PCDH15: variants seen among roughly 807,000 people sequenced by gnomAD.
The protein encoded by PCDH15 is protocadherin-15.
PCDH15 carries 129 observed loss-of-function variants against 178.5 expected under a neutral mutation model. The observed-to-expected ratio is 0.72, with a 90% CI of 0.63 to 0.84. The LOEUF (loss-of-function observed/expected upper bound fraction) is 0.84. PCDH15 is among the 40% of genes least tolerant of loss of function. The pLI is 0.00. For missense variants in PCDH15, 2,230 were observed against 2,099.9 expected (o/e 1.06, Z -1.21); for synonymous variants, 800 against 732.0 (o/e 1.09, Z -1.50).
intron 2 of PCDH15, among the ~76,000 whole-genome samples, chr10:55,439,891 T>C (rs1186995962): frequency 6.6e-6 from 1 of 152,100 alleles, no homozygotes; most frequent in Admixed American, 6.6e-5. Flanking sequence ...AATAAAACTC[T>C]AAAATTTAAG....
chr10:55,463,586 T>G (rs1282338067), intron 2 of PCDH15, among the ~76,000 whole-genome samples: 1 of 152,034 alleles, frequency 6.6e-6, no homozygotes. Flanking sequence ...TTGAGTCCAG[T>G]AGGTGCAGGC....
intron 3 of PCDH15, among the ~76,000 whole-genome samples, chr10:54,424,663 G>A (rs1956018176): frequency 6.6e-6 from 1 of 152,004 alleles, no homozygotes; most frequent in Non-Finnish European, 1.5e-5. Context: ...TATACACCAT[G>A]GAATACTATG....
intron 26 of PCDH15, among the ~76,000 whole-genome samples, chr10:53,899,429 A>G (rs116242251): frequency 5.3e-5 from 8 of 152,132 alleles, no homozygotes; most frequent in African/African-American, 1.9e-4. Flanking sequence ...CAAATTCACT[A>G]CTCATCTTTT....
rs1183120961 is a variant in PCDH15 at position 54,386,977 on chromosome 10, T to C, written c.158-8035A>G. 2.0e-5 allele frequency among the ~76,000 whole-genome samples: 3 copies of C among 152,216 alleles called. No homozygotes were observed. The East Asian group carries it at 5.8e-4, about 29-fold the overall frequency. On this transcript the variant is annotated intron_variant, in intron 3 of 37. Transcript: ENST00000644397. ...TAACAATATATTGTACACTTGAAAA[T>C]TGCTAAGAGAGTAGATTTTAAGTGT...
At chr10:54,507,354 T>C (rs2081257932) in intron 3 of PCDH15, among the ~76,000 whole-genome samples, 1 of 150,824 alleles carries the variant, frequency 6.6e-6, no homozygotes, top group South Asian at 2.1e-4. Context: ...ATACATGCTA[T>C]ATATATATAT....
intron 2 of PCDH15, among the ~76,000 whole-genome samples, chr10:55,125,011 T>C (rs559053729): frequency 1.0e-3 from 157 of 152,188 alleles, no homozygotes; most frequent in African/African-American, 3.5e-3. Context: ...AAAGACCTAT[T>C]GGCTCTTAAC....
At position 54,070,421 on chromosome 10, in the gene PCDH15, C is replaced by T. The variant is rs2094217151; in HGVS notation, c.2092-3536G>A. On this transcript the variant is annotated intron_variant, in intron 17 of 37. Coordinates refer to ENST00000644397, the MANE Select transcript of PCDH15 (RefSeq NM_001384140.1). ...GTTTCACTATGATGGCCAGGCTGAT[C>T]TTGAACTCCTGACCTCAAACAATCT... 2.0e-5 allele frequency among the ~76,000 whole-genome samples: 3 copies of T among 152,180 alleles called. No individual in the cohort carries two copies. In the South Asian group the frequency reaches 6.2e-4, roughly 31 times the overall value.
At chr10:54,963,804 C>T (rs1400264723) in intron 2 of PCDH15, among the ~76,000 whole-genome samples, 1 of 152,136 alleles carries the variant, frequency 6.6e-6, no homozygotes, top group Admixed American at 6.5e-5. Context: ...ATCAAATGCC[C>T]CAATACAATT....
At chr10:54,814,374 C>T (rs1952915869) in intron 3 of PCDH15, among the ~76,000 whole-genome samples, 1 of 151,742 alleles carries the variant, frequency 6.6e-6, no homozygotes, top group Admixed American at 6.6e-5. Flanking sequence ...AATGACAACA[C>T]AGAAAAAAAT....
chr10:53,825,630 A>C (rs1464969806), intron 32 of PCDH15, among the ~76,000 whole-genome samples: 8 of 151,542 alleles, frequency 5.3e-5, no homozygotes, highest in Non-Finnish European at 1.0e-4. Context: ...TATCATACGA[A>C]GTTATTACTT....
At chr10:55,521,146 T>C (rs931141089) in intron 2 of PCDH15, among the ~76,000 whole-genome samples, 3 of 152,026 alleles carry the variant, frequency 2.0e-5, no homozygotes, top group African/African-American at 7.2e-5. Flanking sequence ...TGTTTTTAGA[T>C]TTCACATAGA....
At chr10:54,653,459 C>T (rs1302790731) in intron 2 of PCDH15, among the ~76,000 whole-genome samples, 2 of 152,196 alleles carry the variant, frequency 1.3e-5, no homozygotes, top group African/African-American at 4.8e-5. Flanking sequence ...TTAACCACCA[C>T]ATTCTACTGC....
At chr10:54,067,555 C>A (rs2094160075) in intron 17 of PCDH15, among the ~76,000 whole-genome samples, 3 of 152,148 alleles carry the variant, frequency 2.0e-5, no homozygotes, top group Admixed American at 2.0e-4. Context: ...TCAATGACTT[C>A]TGCACAATCA....
At chr10:54,410,872 C>T (rs1298570290) in intron 3 of PCDH15, among the ~76,000 whole-genome samples, 1 of 135,342 alleles carries the variant, frequency 7.4e-6, no homozygotes, top group Non-Finnish European at 1.6e-5. Context: ...AAGATAAGGA[C>T]TCTGACCGAG....
chr10:55,198,938 AC>A (rs1840168735), intron 1 of PCDH15, among the ~76,000 whole-genome samples: 1 of 152,204 alleles, frequency 6.6e-6, no homozygotes, highest in Non-Finnish European at 1.5e-5. Flanking sequence ...AGCCTGCAGA[AC>A]TGTGAATCAA....
chr10:54,695,636 A>G (rs1222415817), intron 1 of PCDH15, among the ~76,000 whole-genome samples: 3 of 152,108 alleles, frequency 2.0e-5, no homozygotes, highest in Non-Finnish European at 4.4e-5. Flanking sequence ...TCAAAGCATC[A>G]AAGTACAGGC....
intron 3 of PCDH15, among the ~76,000 whole-genome samples, chr10:54,431,342 T>A (rs1219863): frequency 0.053 from 8,090 of 152,064 alleles, 727 homozygotes; most frequent in African/African-American, 0.19. Flanking sequence ...ATAAATATCA[T>A]TGCAAAAATC....
chr10:54,969,232 G>A (rs1838870573), intron 2 of PCDH15, among the ~76,000 whole-genome samples: 1 of 152,064 alleles, frequency 6.6e-6, no homozygotes, highest in South Asian at 2.1e-4. Flanking sequence ...GTTGTGCTAG[G>A]AGAGAGGCAC....
chr10:55,061,813 A>T (rs1328568179), intron 2 of PCDH15, among the ~76,000 whole-genome samples: 3 of 152,174 alleles, frequency 2.0e-5, no homozygotes, highest in African/African-American at 7.2e-5. Flanking sequence ...CGAGGTCAAG[A>T]GATTGAGAAC....
Sources: allele counts gnomAD v4.1 joint callset (sites outside exome capture counted in the v4.1 genomes callset), GRCh38; gene constraint gnomAD v4.1.1; transcripts MANE v1.5; gene names NCBI Gene and HGNC (gene_info 2026-07-23, HGNC 2026-07-21).